EXT1: variants seen among roughly 807,000 people sequenced by gnomAD.
The protein encoded by EXT1 is exostosin glycosyltransferase 1.
EXT1 carries 20 observed loss-of-function variants against 82.5 expected under a neutral mutation model. The observed-to-expected ratio is 0.24, with a 90% CI of 0.17 to 0.35. The LOEUF is 0.35. EXT1 is among the 10% of genes least tolerant of loss of function. The pLI is 1.00. For missense variants in EXT1, 757 were observed against 936.5 expected, an observed-to-expected ratio of 0.81 and a Z score of 2.50; for synonymous variants, 348 against 350.8, an observed-to-expected ratio of 0.99 and a Z score of 0.09.
intron 1 of EXT1, among the ~76,000 whole-genome samples, chr8:118,027,985 G>T (rs1816233707): frequency 6.6e-6 from 1 of 152,188 alleles, no homozygotes; most frequent in Non-Finnish European, 1.5e-5. Flanking sequence ...AAGTACTGCA[G>T]TTACTAAATG....
intron 1 of EXT1, among the ~76,000 whole-genome samples, chr8:117,953,601 G>T (rs1395631905): frequency 1.3e-5 from 2 of 151,930 alleles, no homozygotes; most frequent in African/African-American, 4.8e-5. Context: ...ATTACTGAGA[G>T]TGAATGATGC....
intron 1 of EXT1, among the ~76,000 whole-genome samples, chr8:117,868,275 A>G (rs10093862): frequency 0.035 from 5,312 of 152,116 alleles, 324 homozygotes; most frequent in African/African-American, 0.12. Flanking sequence ...ATGGGGAGCC[A>G]CTCAGTCCCT....
At chr8:118,079,190 G>C (rs969937845) in intron 1 of EXT1, among the ~76,000 whole-genome samples, 1 of 151,924 alleles carries the variant, frequency 6.6e-6, no homozygotes, top group Non-Finnish European at 1.5e-5. Context: ...AATTTTAAGG[G>C]TACAAAAAGC....
Position 118,090,454 on chromosome 8 carries a change from G to A in EXT1, c.962+19631C>T, listed in dbSNP as rs138468941. ...AGGCAAAATTGTCTAGGGATGAACC[G>A]TGGAAGCTGAAGCCACTCTGTAGAA... On this transcript the variant is annotated intron_variant, in intron 1 of 10. Coordinates refer to ENST00000378204, the MANE Select transcript of EXT1 (RefSeq NM_000127.3). Among the ~76,000 whole-genome samples, 463 of 151,800 alleles carry A rather than the reference G, an allele frequency of 3.1e-3. 2 individuals carry two copies. The highest frequency in any genetic ancestry group is 0.011 in the African/African-American group (435 of 41,388).
rs1823086342 is a variant in EXT1, at chr8:117,796,244, T to G, written c.*3468A>C. 1 of 152,160 alleles carries G rather than the reference T, an allele frequency of 6.6e-6. No homozygotes were observed. 9.4% of individuals were successfully genotyped at this position (152,160 alleles called of 1,614,324 possible). On this transcript the variant is annotated 3_prime_UTR_variant, in exon 11 of 11. Coordinates refer to ENST00000378204, the MANE Select transcript of EXT1 (RefSeq NM_000127.3). ...AGGTCTGGGAAGTTTGCTTGGCTTT[T>G]GCATCCATAATTCAGCCTTGTCCAG...
At chr8:117,845,989 G>A (rs183420130) in intron 1 of EXT1, among the ~76,000 whole-genome samples, 395 of 152,306 alleles carry the variant, frequency 2.6e-3, no homozygotes, top group Non-Finnish European at 4.6e-3. Flanking sequence ...CTACCTAGGA[G>A]GAAAGAGTAA....
intron 1 of EXT1, among the ~76,000 whole-genome samples, chr8:117,880,777 G>C (rs1365996554): frequency 1.3e-5 from 2 of 152,020 alleles, no homozygotes; most frequent in Non-Finnish European, 2.9e-5. Flanking sequence ...TTTTAGTAGA[G>C]ATGGGGTTTC....
chr8:117,905,902 G>A (rs6469716), intron 1 of EXT1, among the ~76,000 whole-genome samples: 39,221 of 152,044 alleles, frequency 0.26, 5,762 homozygotes, highest in East Asian at 0.37. Context: ...AGAAGAAAAA[G>A]ACCATGAAAA....
intron 1 of EXT1, among the ~76,000 whole-genome samples, chr8:117,848,423 C>T (rs1239660932): frequency 2.0e-5 from 3 of 152,182 alleles, no homozygotes; most frequent in Non-Finnish European, 4.4e-5. Context: ...GCTGGCCATG[C>T]TTCCCACAGT....
Position 117,804,576 on chromosome 8 carries a change from C to T in EXT1, c.2055+146G>A, listed in dbSNP as rs1182487883. 6 of 896,462 alleles carry T rather than the reference C, an allele frequency of 6.7e-6. No individual in the cohort carries two copies. The East Asian group carries it at 1.5e-4, about 22-fold the overall frequency. 55.5% of individuals were successfully genotyped at this position (896,462 alleles called of 1,614,324 possible). On this transcript the variant is annotated intron_variant, in intron 10 of 10. Transcript: ENST00000378204. ...ATTATCCCTGCACCAATCATACACT[C>T]TTTTCTAGCTTTCAGATGTAGTTCA...
intron 1 of EXT1, among the ~76,000 whole-genome samples, chr8:118,059,525 C>A (rs1179635207): frequency 6.6e-6 from 1 of 152,196 alleles, no homozygotes; most frequent in Admixed American, 6.5e-5. Flanking sequence ...GCAGCAAGGG[C>A]TCCACCCAGC....
intron 1 of EXT1, among the ~76,000 whole-genome samples, chr8:117,958,924 C>T (rs1268343629): frequency 6.6e-6 from 1 of 152,134 alleles, no homozygotes; most frequent in Non-Finnish European, 1.5e-5. Flanking sequence ...CATTTTACTC[C>T]ACATGCAAAA....
chr8:118,093,672 A>G (rs990432142), intron 1 of EXT1, among the ~76,000 whole-genome samples: 49 of 152,306 alleles, frequency 3.2e-4, no homozygotes, highest in African/African-American at 1.2e-3. Flanking sequence ...AGGCTCTTAC[A>G]ATGTGTTTAT....
intron 4 of EXT1, among the ~76,000 whole-genome samples, chr8:117,824,392 T>C (rs1250005462): frequency 2.0e-5 from 3 of 152,222 alleles, no homozygotes; most frequent in Non-Finnish European, 4.4e-5. Context: ...TCTTCTGAAA[T>C]AACAACAAGC....
chr8:118,062,830 T>A (rs755383253), intron 1 of EXT1, among the ~76,000 whole-genome samples: 1 of 152,184 alleles, frequency 6.6e-6, no homozygotes, highest in African/African-American at 2.4e-5. Flanking sequence ...CTAGACTAGT[T>A]GCCAAAAACA....
At chr8:117,815,262 G>A (rs1811784853) in intron 7 of EXT1, among the ~76,000 whole-genome samples, 1 of 152,166 alleles carries the variant, frequency 6.6e-6, no homozygotes, top group African/African-American at 2.4e-5. Flanking sequence ...ATTCAAAACA[G>A]AATTTTTCAG....
At chr8:117,804,532 C>A (rs1352294812) in intron 10 of EXT1, among the ~76,000 whole-genome samples, 190 bp downstream of exon 10, 1 of 152,206 alleles carries the variant, frequency 6.6e-6, no homozygotes, top group Admixed American at 6.5e-5. Flanking sequence ...TAAAGATACT[C>A]TTAACTTGTG....
chr8:117,989,161 G>T (rs765475887), intron 1 of EXT1, among the ~76,000 whole-genome samples: 45 of 151,636 alleles, frequency 3.0e-4, no homozygotes, highest in Admixed American at 9.9e-4. Flanking sequence ...GAGAAGTTAA[G>T]TAACATACCT....
At chr8:118,082,287 G>A (rs904698389) in intron 1 of EXT1, among the ~76,000 whole-genome samples, 7 of 147,400 alleles carry the variant, frequency 4.7e-5, no homozygotes, top group East Asian at 1.9e-4. Flanking sequence ...CTAAACTTTC[G>A]CATCATGCAC....
Sources: allele counts gnomAD v4.1 joint callset (sites outside exome capture counted in the v4.1 genomes callset), GRCh38; gene constraint gnomAD v4.1.1; transcripts MANE v1.5; gene names NCBI Gene and HGNC (gene_info 2026-07-23, HGNC 2026-07-21).